DCC: variants seen among roughly 807,000 people sequenced by gnomAD.
DCC encodes netrin receptor DCC.
A neutral mutation model predicts 172.5 loss-of-function variants in DCC; 58 were observed. The observed-to-expected ratio is 0.34, with a 90% CI of 0.27 to 0.42. DCC has a LOEUF of 0.42. DCC is among the 10% of genes least tolerant of loss of function. DCC has a pLI of 1.00. For missense variants in DCC, 1,740 were observed against 1,791.0 expected (o/e 0.97, Z 0.51); for synonymous variants, 709 against 644.5 (o/e 1.10, Z -1.52).
chr18:53,020,445 T>G (rs1435677044), intron 5 of DCC, among the ~76,000 whole-genome samples: 1 of 152,200 alleles, frequency 6.6e-6, no homozygotes, highest in Non-Finnish European at 1.5e-5. Flanking sequence ...AAAATGTCAC[T>G]GTTCAAGTCT....
intron 7 of DCC, among the ~76,000 whole-genome samples, chr18:53,073,488 T>G (rs1178975760): frequency 1.3e-5 from 2 of 152,260 alleles, no homozygotes; most frequent in East Asian, 1.9e-4. Context: ...ATAGCACCAC[T>G]GCACTCCAGC....
chr18:52,521,455 T>C (rs1416032747), intron 1 of DCC, among the ~76,000 whole-genome samples: 1 of 151,976 alleles, frequency 6.6e-6, no homozygotes, highest in Non-Finnish European at 1.5e-5. Context: ...TCTGGTAGGG[T>C]TCAGTTTTCA....
At chr18:52,716,175 C>T (rs1436996497) in intron 1 of DCC, among the ~76,000 whole-genome samples, 1 of 152,246 alleles carries the variant, frequency 6.6e-6, no homozygotes, top group East Asian at 1.9e-4. Flanking sequence ...TACCCGCAGG[C>T]TATGTCTGAC....
chr18:53,298,851 C>T (rs1378551559), intron 12 of DCC, among the ~76,000 whole-genome samples: 3 of 151,942 alleles, frequency 2.0e-5, no homozygotes. Flanking sequence ...CAAGTAGAGT[C>T]CCTGTGATTA....
chr18:52,917,885 A>G (rs2040064268), intron 3 of DCC, among the ~76,000 whole-genome samples: 1 of 152,214 alleles, frequency 6.6e-6, no homozygotes, highest in African/African-American at 2.4e-5. Context: ...ATTTAGAAAA[A>G]TAGTTACATA....
At position 53,104,020 on chromosome 18, in the gene DCC, T is replaced by A. The variant is rs532639657; in HGVS notation, c.1261+37854T>A. On this transcript the variant is annotated intron_variant, in intron 7 of 28. Transcript: ENST00000442544. Reference sequence around the variant, plus strand: ...ATTTTAACACAATAATTTTTAAAAATTAAAATTAATGCTAAAATGCCAAAA... The same window carrying A: ...ATTTTAACACAATAATTTTTAAAAAATAAAATTAATGCTAAAATGCCAAAA... Among the ~76,000 whole-genome samples, 109 of 152,144 alleles carry A rather than the reference T, an allele frequency of 7.2e-4. 1 individual carries two copies. The South Asian group carries it at 0.013, about 18-fold the overall frequency.
chr18:52,454,452 A>C (rs999852850), intron 1 of DCC, among the ~76,000 whole-genome samples: 1 of 152,044 alleles, frequency 6.6e-6, no homozygotes, highest in Non-Finnish European at 1.5e-5. Flanking sequence ...TATTCTGGCA[A>C]TGAGACAACT....
intron 12 of DCC, among the ~76,000 whole-genome samples, chr18:53,272,298 T>C (rs1381156174): frequency 6.6e-6 from 1 of 152,134 alleles, no homozygotes; most frequent in Non-Finnish European, 1.5e-5. Flanking sequence ...TAAGGAAATA[T>C]ATAGGATTTA....
At chr18:52,826,933 C>T (rs1162191733) in intron 2 of DCC, among the ~76,000 whole-genome samples, 1 of 152,178 alleles carries the variant, frequency 6.6e-6, no homozygotes, top group Non-Finnish European at 1.5e-5. Flanking sequence ...CTAAACATTA[C>T]AGTATAGTAA....
chr18:52,377,726 G>C (rs1438434266), intron 1 of DCC, among the ~76,000 whole-genome samples: 1 of 139,988 alleles, frequency 7.1e-6, no homozygotes, highest in African/African-American at 2.7e-5. Context: ...TTGAGACAGA[G>C]TTTCACCCTG....
At chr18:52,540,871 G>T (rs1276308159) in intron 1 of DCC, among the ~76,000 whole-genome samples, 2 of 152,094 alleles carry the variant, frequency 1.3e-5, no homozygotes, top group Non-Finnish European at 2.9e-5. Flanking sequence ...CTCCCAAAGT[G>T]CTGGGATTGC....
chr18:52,737,600 C>G (rs950813927), intron 1 of DCC, among the ~76,000 whole-genome samples: 1 of 151,902 alleles, frequency 6.6e-6, no homozygotes, highest in East Asian at 1.9e-4. Context: ...ATAGGTACAG[C>G]GGGGAGTAGT....
intron 27 of DCC, among the ~76,000 whole-genome samples, chr18:53,521,134 C>T (rs1598844159): frequency 6.6e-6 from 1 of 152,212 alleles, no homozygotes; most frequent in Non-Finnish European, 1.5e-5. Flanking sequence ...TGAGAAAAGG[C>T]AGTCATCTGA....
At chr18:53,250,636 G>C (rs2056418821) in intron 12 of DCC, among the ~76,000 whole-genome samples, 1 of 150,758 alleles carries the variant, frequency 6.6e-6, no homozygotes, top group South Asian at 2.1e-4. Context: ...ATCTCCTACA[G>C]ATTTCTCAGG....
rs142476682 is a variant in DCC at position 53,331,745 on chromosome 18, G to A, written c.2165-7968G>A. Among the ~76,000 whole-genome samples, 844 of 152,202 alleles carry A rather than the reference G, an allele frequency of 5.5e-3. 6 individuals carry two copies. The highest frequency in any genetic ancestry group is 0.024 in the Admixed American group (374 of 15,268). On this transcript the variant is annotated intron_variant, in intron 14 of 28. Transcript: ENST00000442544. Reference sequence around the variant, plus strand: ...CAAGAACTTGATAGACAGAGACCACGCTTGTCTAATTTTTGGGCCAAAAAA... The same window carrying A: ...CAAGAACTTGATAGACAGAGACCACACTTGTCTAATTTTTGGGCCAAAAAA...
chr18:53,214,623 A>G (rs1298192198), intron 11 of DCC, among the ~76,000 whole-genome samples: 1 of 152,182 alleles, frequency 6.6e-6, no homozygotes, highest in Non-Finnish European at 1.5e-5. Context: ...TTTGTGAGGA[A>G]CAAGGATAGG....
chr18:53,340,270 A>C (rs1338984460), intron 15 of DCC, among the ~76,000 whole-genome samples: 2 of 152,184 alleles, frequency 1.3e-5, no homozygotes, highest in African/African-American at 4.8e-5. Flanking sequence ...ATTTCTATAA[A>C]AAGAAAGTCA....
intron 2 of DCC, among the ~76,000 whole-genome samples, chr18:52,839,627 C>T (rs555210726): frequency 1.6e-4 from 25 of 152,244 alleles, no homozygotes; most frequent in African/African-American, 6.0e-4. Flanking sequence ...GGTAAAGCTT[C>T]TTCACTTGGC....
At chr18:53,156,494 A>T (rs978049737) in intron 7 of DCC, among the ~76,000 whole-genome samples, 1 of 152,136 alleles carries the variant, frequency 6.6e-6, no homozygotes, top group African/African-American at 2.4e-5. Context: ...ACCAAAAAAA[A>T]AAAAAAAAGA....
Sources: gnomAD v4.1 joint callset for allele counts (sites outside exome capture counted in the v4.1 genomes callset) on GRCh38, gnomAD v4.1.1 for gene constraint, MANE v1.5 for transcripts, NCBI Gene and HGNC (gene_info 2026-07-23, HGNC 2026-07-21) for gene names.